RASEF: variants seen among roughly 807,000 people sequenced by gnomAD.
RASEF encodes the protein ras and EF-hand domain-containing protein.
RASEF carries 68 observed loss-of-function variants against 90.1 expected under a neutral mutation model. That is an observed-to-expected ratio of 0.75 (90% confidence interval 0.62 to 0.92). The LOEUF (loss-of-function observed/expected upper bound fraction) is 0.92, where lower values mean the gene tolerates loss of function less well. RASEF is among the 40% of genes least tolerant of loss of function. The pLI is 0.00. For missense variants in RASEF, 949 were observed against 937.2 expected (o/e 1.01, Z -0.16); for synonymous variants, 331 against 345.2 (o/e 0.96, Z 0.46).
chr9:83,164,347 GTA>G, the RASEF span, among the ~76,000 whole-genome samples: 1,206 of 129,942 alleles, frequency 9.3e-3, 15 homozygotes, highest in East Asian at 0.02. Context: ...GTATATGTGT[GTA>G]TATATATATA....
At chr9:83,061,870 T>C (rs1830206320) in intron 1 of RASEF, among the ~76,000 whole-genome samples, 1 of 152,236 alleles carries the variant, frequency 6.6e-6, no homozygotes, top group African/African-American at 2.4e-5. Context: ...AGAAATAAGC[T>C]AGCCTACCTT....
chr9:83,146,861 G>A, the RASEF span, among the ~76,000 whole-genome samples: 15 of 152,112 alleles, frequency 9.9e-5, no homozygotes, highest in African/African-American at 2.9e-4. Context: ...AGTGATGGAC[G>A]TGAAGCTAAC....
At chr9:83,057,955 A>G (rs1171623816) in intron 1 of RASEF, among the ~76,000 whole-genome samples, 1 of 150,334 alleles carries the variant, frequency 6.7e-6, no homozygotes, top group Admixed American at 6.6e-5. Flanking sequence ...ATCAAAGAGA[A>G]AAGAGCTGAT....
At chr9:83,095,323 G>A in the RASEF span, among the ~76,000 whole-genome samples, 2 of 151,778 alleles carry the variant, frequency 1.3e-5, no homozygotes, top group Admixed American at 1.3e-4. Context: ...ACTGAAGCAG[G>A]GGACTCTGGA....
At chr9:83,017,273 C>A (rs1829358239) in intron 3 of RASEF, among the ~76,000 whole-genome samples, 2 of 149,104 alleles carry the variant, frequency 1.3e-5, no homozygotes, top group Admixed American at 1.3e-4. Context: ...ATCACGAGGT[C>A]AGGAGACTGA....
At chr9:83,131,589 G>A in the RASEF span, among the ~76,000 whole-genome samples, 14 of 152,072 alleles carry the variant, frequency 9.2e-5, no homozygotes, top group South Asian at 6.2e-4. Flanking sequence ...GATCTCGCTC[G>A]GCAAAGATTT....
the RASEF span, among the ~76,000 whole-genome samples, chr9:83,177,017 A>G: frequency 1.3e-4 from 20 of 152,202 alleles, no homozygotes; most frequent in African/African-American, 4.8e-4. Context: ...TCTTACTCCA[A>G]TATGGCTTTA....
chr9:83,033,756 G>T (rs139151544), intron 1 of RASEF, among the ~76,000 whole-genome samples: 28 of 152,322 alleles, frequency 1.8e-4, no homozygotes, highest in African/African-American at 6.7e-4. Flanking sequence ...ATCCAGAAAT[G>T]TAGAACTTCA....
chr9:83,022,347 T>C lies in RASEF; in HGVS notation c.658A>G (p.Thr220Ala), dbSNP rs753398167. 6.2e-7 allele frequency: 1 copy of C among 1,613,740 alleles called. No homozygotes were observed. The highest frequency in any genetic ancestry group is 1.1e-5 in the South Asian group (1 of 91,068). ...ACCCAGAAACTCACGTCTTTCCGTG[T>C]CTTATGTTCTGCAGCCTGAATCCTC... ...DQRIQAAEHK[T>A]RKDEKRKAEE... is the part of the protein sequence containing the mutation. The change falls in exon 3 of 17, where the codon ACA becomes GCA. Residue 220 changes from threonine to alanine, a missense_variant. Thr to Ala is a moderately conservative substitution (Grantham distance 58). This residue lies in a region of RASEF where 656 missense variants were observed against 592.2 expected (regional missense o/e 1.11). Transcript: ENST00000376447.
chr9:83,160,305 T>C, the RASEF span, among the ~76,000 whole-genome samples: 4 of 152,108 alleles, frequency 2.6e-5, no homozygotes, highest in Admixed American at 6.5e-5. Flanking sequence ...TATAATGATA[T>C]GGACAGTGAA....
At chr9:83,124,161 T>C in the RASEF span, among the ~76,000 whole-genome samples, 2 of 152,238 alleles carry the variant, frequency 1.3e-5, no homozygotes, top group Non-Finnish European at 2.9e-5. Context: ...TATTCCATTG[T>C]AGGTATATAC....
At chr9:83,137,284 T>C in the RASEF span, among the ~76,000 whole-genome samples, 2 of 152,150 alleles carry the variant, frequency 1.3e-5, no homozygotes, top group South Asian at 2.1e-4. Context: ...TCTTTGGGGA[T>C]TGTTGGTTTA....
intron 1 of RASEF, among the ~76,000 whole-genome samples, chr9:83,043,250 A>C (rs1033197901): frequency 2.6e-5 from 4 of 152,248 alleles, no homozygotes; most frequent in Admixed American, 6.5e-5. Flanking sequence ...AATAGACTAC[A>C]TCAGTGAAAA....
chr9:83,207,770 G>A, the RASEF span, among the ~76,000 whole-genome samples: 1 of 152,094 alleles, frequency 6.6e-6, no homozygotes, highest in African/African-American at 2.4e-5. Flanking sequence ...CCCACACTCG[G>A]CTAATTTTTA....
the RASEF span, among the ~76,000 whole-genome samples, chr9:83,109,085 T>C: frequency 4.6e-5 from 7 of 152,310 alleles, no homozygotes; most frequent in African/African-American, 1.4e-4. Context: ...ATCTATTCAA[T>C]TCCTCAGTCT....
intron 10 of RASEF, 123 bp from the exon 11 acceptor site, chr9:83,000,693 C>T (rs1166036520): frequency 1.0e-6 from 1 of 958,330 alleles, no homozygotes; most frequent in African/African-American, 1.7e-5. Context: ...ACAGTCAATG[C>T]TATTAATATT....
chr9:83,066,846 T>C (rs1320864513), upstream of RASEF, among the ~76,000 whole-genome samples: 1 of 152,228 alleles, frequency 6.6e-6, no homozygotes, highest in Non-Finnish European at 1.5e-5. Context: ...TATTTGACTA[T>C]GGTAACTTTG....
the RASEF span, among the ~76,000 whole-genome samples, chr9:83,153,543 A>G: frequency 6.6e-6 from 1 of 152,144 alleles, no homozygotes; most frequent in African/African-American, 2.4e-5. Context: ...TTGTTTCTCC[A>G]TCATGGCGAC....
chr9:83,122,892 A>G, the RASEF span, among the ~76,000 whole-genome samples: 11 of 152,198 alleles, frequency 7.2e-5, no homozygotes, highest in South Asian at 2.1e-4. Context: ...GCAGCTATCT[A>G]GGTAGTGGCA....
Sources: gnomAD v4.1 joint callset for allele counts (sites outside exome capture counted in the v4.1 genomes callset) on GRCh38, gnomAD v4.1.1 for gene constraint, gnomAD v4.1.1 regional missense constraint, MANE v1.5 for transcripts, NCBI Gene and HGNC (gene_info 2026-07-23, HGNC 2026-07-21) for gene names.